Variants in EIF2A observed in about 807,000 individuals in gnomAD.
The protein encoded by EIF2A is 65 kDa eukaryotic translation initiation factor 2A.
A neutral mutation model predicts 75.2 loss-of-function variants in EIF2A; 62 were observed. The ratio of observed to expected loss-of-function variants is 0.82; its 90% CI spans 0.67 to 1.02. EIF2A has a LOEUF of 1.02. EIF2A is among the 50% of genes least tolerant of loss of function. The pLI, the probability that EIF2A is intolerant of heterozygous loss-of-function variation, is 0.00. For missense variants in EIF2A, 611 were observed against 677.7 expected (o/e 0.90, Z 1.09); for synonymous variants, 207 against 239.0 (o/e 0.87, Z 1.23).
intron 11 of EIF2A, among the ~76,000 whole-genome samples, chr3:150,578,677 T>C (rs892777509): frequency 3.3e-5 from 5 of 152,210 alleles, no homozygotes; most frequent in African/African-American, 1.2e-4. Context: ...TGAGTTGTTT[T>C]TCCAGTAATA....
chr3:150,581,789 T>G, intron 12 of EIF2A, 43 bp downstream of exon 12: 1 of 1,549,112 alleles, frequency 6.5e-7, no homozygotes, highest in Non-Finnish European at 8.7e-7. Context: ...AAGGTATACA[T>G]GAAAATTATA....
chr3:150,547,047 A>G (rs903902459), intron 1 of EIF2A: 3 of 593,862 alleles, frequency 5.1e-6, no homozygotes, highest in Admixed American at 3.0e-5. Flanking sequence ...TCACCCATCC[A>G]TCATTCTTGC....
intron 1 of EIF2A, 67 bp from the exon 2 acceptor site, chr3:150,552,289 A>C (rs1576587043): frequency 7.3e-7 from 1 of 1,367,036 alleles, no homozygotes; most frequent in East Asian, 2.5e-5. Flanking sequence ...TTTTTAAAAA[A>C]CACATTTGTG....
intron 4 of EIF2A, 130 bp from the exon 5 acceptor site, chr3:150,563,385 G>A (rs925514279): frequency 4.7e-6 from 3 of 643,070 alleles, no homozygotes; most frequent in Non-Finnish European, 7.8e-6. Flanking sequence ...ATTTATTTTG[G>A]TAACACAGAG....
At chr3:150,564,120 T>C (rs116923402) in intron 5 of EIF2A, among the ~76,000 whole-genome samples, 179 bp from the exon 6 acceptor site, 1,655 of 152,198 alleles carry the variant, frequency 0.011, 57 homozygotes, top group East Asian at 0.089. Flanking sequence ...CACCTGGCCT[T>C]TTCTATTAAC....
intron 9 of EIF2A, among the ~76,000 whole-genome samples, chr3:150,571,724 G>T (rs2107947935): frequency 6.6e-6 from 1 of 152,062 alleles, no homozygotes; most frequent in South Asian, 2.1e-4. Context: ...TTACTATAAG[G>T]CCATATTACC....
At position 150,585,609 on chromosome 3, in the gene EIF2A, C is replaced by T. The variant is rs1725435025; in HGVS notation, c.*1698C>T. Reference sequence around the variant, plus strand: ...AGGATGTGTGTATGTGTTTGTTTCTCTGGAAAACCCTGACTAATACAGATT... The same window carrying T: ...AGGATGTGTGTATGTGTTTGTTTCTTTGGAAAACCCTGACTAATACAGATT... On this transcript the variant is annotated 3_prime_UTR_variant, in exon 14 of 14. Coordinates refer to ENST00000460851, the MANE Select transcript of EIF2A (RefSeq NM_032025.5). 6.6e-6 allele frequency: 1 copy of T among 152,182 alleles called. No individual in the cohort carries two copies. The highest frequency in any genetic ancestry group is 6.5e-5 in the Admixed American group (1 of 15,280). The allele number at this position is 152,182 out of a possible 1,614,324, so 9.4% of individuals were successfully genotyped here. A position where few individuals can be genotyped will look rare whatever the true frequency, so the allele number is the denominator to read the frequency against.
chr3:150,564,333 G>T lies in EIF2A; in HGVS notation c.427G>T (p.Ala143Ser). The T allele has an allele frequency of 6.3e-7, 1 of 1,594,942 alleles. No homozygotes were observed. The highest frequency in any genetic ancestry group is 8.5e-7 in the Non-Finnish European group (1 of 1,173,130). The change falls in exon 6 of 14, where the codon GCC becomes TCC. Residue 143 changes from alanine to serine, a missense_variant. Physicochemically the swap from Ala to Ser is moderately conservative, Grantham distance 99. Transcript: ENST00000460851. ...CTGGTCAGAAGATGAAACTCTTTGTGCCCGCAATGTTAACAATGAAGTTCA... is the reference window on the plus strand; with the variant it reads ...CTGGTCAGAAGATGAAACTCTTTGTTCCCGCAATGTTAACAATGAAGTTCA... ...PSWSEDETLCARNVNNEVHFF... is the reference protein window; with the variant it reads ...PSWSEDETLCSRNVNNEVHFF...
intron 11 of EIF2A, among the ~76,000 whole-genome samples, chr3:150,578,697 T>C (rs1204177351): frequency 6.6e-6 from 1 of 152,204 alleles, no homozygotes; most frequent in Admixed American, 6.5e-5. Context: ...AGCAAAGGTT[T>C]TCAACTTGCA....
At chr3:150,558,927 T>C (rs1490428925) in intron 3 of EIF2A, among the ~76,000 whole-genome samples, 1 of 152,188 alleles carries the variant, frequency 6.6e-6, no homozygotes, top group Admixed American at 6.5e-5. Flanking sequence ...GTATAATATA[T>C]GTTACATAAA....
rs117629384 is a variant in EIF2A at position 150,551,682 on chromosome 3, C to T, written c.29-674C>T. Among the ~76,000 whole-genome samples the T allele has an allele frequency of 7.2e-3, 1,100 of 152,248 alleles. 42 individuals are homozygous for T. The highest frequency in any genetic ancestry group is 0.054 in the Admixed American group (819 of 15,274). On this transcript the variant is annotated intron_variant, in intron 1 of 13. Transcript: ENST00000460851. Reference sequence around the variant, plus strand: ...GTTTGAAGTTGCAGTGAGCCTTGATCATGCCACTGTACTCCAGCCTGGGTG... The same window carrying T: ...GTTTGAAGTTGCAGTGAGCCTTGATTATGCCACTGTACTCCAGCCTGGGTG...
rs780394736 is a variant in EIF2A, at chr3:150,572,488, C to A, written c.1342C>A (p.Pro448Thr). 5 of 1,612,350 alleles carry A rather than the reference C, an allele frequency of 3.1e-6. No individual in the cohort carries two copies. The highest frequency in any genetic ancestry group is 2.2e-5 in the East Asian group (1 of 44,864). The change falls in exon 10 of 14, where the codon CCC becomes ACC. Residue 448 changes from proline (P) to threonine (T), a missense_variant. By Grantham distance (38) the Pro-to-Thr change is conservative (BLOSUM62 -1). Transcript: ENST00000460851. Reference protein sequence around the residue: ...EEPKVATAYRPPALRNKPITN... With the variant: ...EEPKVATAYRTPALRNKPITN... ...ACCTAAAGTTGCAACAGCTTATAGA[C>A]CCCCAGCTTTAAGAAATAAACCAAT...
chr3:150,571,970 C>A lies in EIF2A; in HGVS notation c.824C>A (p.Pro275His), dbSNP rs199994540. The A allele has an allele frequency of 1.5e-3, 2,451 of 1,597,644 alleles. 1 individual carries two copies. The highest frequency in any genetic ancestry group is 1.8e-3 in the Non-Finnish European group (2,155 of 1,173,192). ...ATTCTTTTTCTAGCAAAAAATGGCCCCATTTATGATGTAGTTTGGAATTCT... is the reference window on the plus strand; with the variant it reads ...ATTCTTTTTCTAGCAAAAAATGGCCACATTTATGATGTAGTTTGGAATTCT... ...SAVVQLPKNG[P>H]IYDVVWNSSS... The change falls in exon 10 of 14, where the codon CCC (proline) becomes CAC (histidine). Residue 275 changes from proline (P) to histidine (H), a missense_variant. Pro to His is a moderately conservative substitution (Grantham distance 77). Transcript: ENST00000460851.
chr3:150,554,753 G>A (rs1723476188), intron 2 of EIF2A, among the ~76,000 whole-genome samples: 1 of 152,094 alleles, frequency 6.6e-6, no homozygotes, highest in African/African-American at 2.4e-5. Flanking sequence ...GTTGTCATCT[G>A]ACTCTACTGA....
At chr3:150,558,514 C>T in intron 3 of EIF2A, 52 bp downstream of exon 3, 1 of 1,367,178 alleles carries the variant, frequency 7.3e-7, no homozygotes, top group East Asian at 3.0e-5. Flanking sequence ...ATAAACACAA[C>T]TGGCATTATT....
At chr3:150,554,391 C>G (rs374094156) in intron 2 of EIF2A, among the ~76,000 whole-genome samples, 1 of 152,132 alleles carries the variant, frequency 6.6e-6, no homozygotes, top group East Asian at 1.9e-4. Context: ...ATTTTATAGA[C>G]GAATTCCAGT....
Position 150,564,332 on chromosome 3 carries a change from T to C in EIF2A, c.426T>C (p.Cys142=). The C allele has an allele frequency of 6.2e-7, 1 of 1,602,110 alleles. No individual in the cohort carries two copies. Among genetic ancestry groups the C allele is most frequent in the Non-Finnish European group, 8.5e-7 (1 of 1,175,644 alleles). Reference sequence around the variant, plus strand: ...CCTGGTCAGAAGATGAAACTCTTTGTGCCCGCAATGTTAACAATGAAGTTC... The same window carrying C: ...CCTGGTCAGAAGATGAAACTCTTTGCGCCCGCAATGTTAACAATGAAGTTC... ...CPSWSEDETL[C]ARNVNNEVHF... Residue 142 remains cysteine (C), a synonymous_variant, in exon 6 of 14, where the codon TGT becomes TGC. Transcript: ENST00000460851.
At position 150,552,414 on chromosome 3, in the gene EIF2A, A is replaced by G; in HGVS notation, c.87A>G (p.Thr29=). 6.4e-7 allele frequency: 1 copy of G among 1,552,964 alleles called. No homozygotes were observed. Among genetic ancestry groups the G allele is most frequent in the Admixed American group, 2.0e-5 (1 of 51,128 alleles). The change falls in exon 2 of 14, where the codon ACA becomes ACG. Residue 29 remains threonine (T), a synonymous_variant. Coordinates refer to ENST00000460851, the MANE Select transcript of EIF2A (RefSeq NM_032025.5). ...GACCACCACATTTTACAGAAAGCAC[A>G]GTGTTTCCAAGGTATGATTTATTTT... The part of the protein sequence containing the change: ...VNGPPHFTES[T]VFPRESGKNC...
In EIF2A at chr3:150,572,215, G is replaced by C. The variant is rs377030661; in HGVS notation, c.1069G>C (p.Ala357Pro). The change falls in exon 10 of 14, where the codon GCT (alanine) becomes CCT (proline). Residue 357 changes from alanine to proline, a missense_variant. Coordinates refer to ENST00000460851, the MANE Select transcript of EIF2A (RefSeq NM_032025.5). The part of the protein sequence containing the change: ...KNYKLISKPV[A>P]SDSTYFAWCP... ...CTACAAACTTATTTCTAAACCGGTGGCTTCTGATTCTACATATTTTGCTTG... is the reference window on the plus strand; with the variant it reads ...CTACAAACTTATTTCTAAACCGGTGCCTTCTGATTCTACATATTTTGCTTG... 45 of 1,613,786 alleles carry C rather than the reference G, an allele frequency of 2.8e-5. No individual in the cohort carries two copies. Among genetic ancestry groups the C allele is most frequent in the Non-Finnish European group, 3.4e-5 (40 of 1,179,878 alleles).
Sources: allele counts gnomAD v4.1 joint callset (sites outside exome capture counted in the v4.1 genomes callset), GRCh38; gene constraint gnomAD v4.1.1; transcripts MANE v1.5; gene names NCBI Gene and HGNC (gene_info 2026-07-23, HGNC 2026-07-21).